Variants in ABCC4 observed in about 807,000 individuals in gnomAD.
ABCC4 encodes the protein ATP-binding cassette sub-family C member 4.
ABCC4 carries 102 observed loss-of-function variants against 168.5 expected under a neutral mutation model. That is an observed-to-expected ratio of 0.61 (90% confidence interval 0.52 to 0.71). The LOEUF (loss-of-function observed/expected upper bound fraction) is 0.71. ABCC4 is among the 30% of genes least tolerant of loss of function. The pLI, the probability that ABCC4 is intolerant of heterozygous loss-of-function variation, is 0.00. For synonymous variants in ABCC4, 617 were observed against 590.7 expected (o/e 1.04, Z -0.65); for missense variants, 1,402 against 1,605.8 (o/e 0.87, Z 2.17).
chr13:95,123,789 T>C (rs1412004588), intron 19 of ABCC4, among the ~76,000 whole-genome samples: 1 of 152,162 alleles, frequency 6.6e-6, no homozygotes, highest in African/African-American at 2.4e-5. Context: ...GCACGGACCA[T>C]GCCCAAGGCA....
In ABCC4 at chr13:95,074,339, G is replaced by A. The variant is rs773234065; in HGVS notation, c.2807-15C>T. The A allele has an allele frequency of 4.0e-5, 63 of 1,583,650 alleles. No individual in the cohort carries two copies. Among genetic ancestry groups the A allele is most frequent in the Non-Finnish European group, 5.2e-5 (60 of 1,156,184 alleles). On this transcript the variant is annotated splice_polypyrimidine_tract_variant and intron_variant, in intron 22 of 30. Transcript: ENST00000645237. ...GAACCAAGCCTCTGAATTTGAGAAC[G>A]GTAATAAGCATGATGAATAAGTAGA...
chr13:95,089,841 G>A (rs1007910611), intron 20 of ABCC4, among the ~76,000 whole-genome samples: 1 of 151,420 alleles, frequency 6.6e-6, no homozygotes, highest in Non-Finnish European at 1.5e-5. Flanking sequence ...TCATGCCACT[G>A]CACTCCAGCC....
At chr13:95,122,268 TCAGA>T (rs1473646524) in intron 19 of ABCC4, among the ~76,000 whole-genome samples, 6 of 152,236 alleles carry the variant, frequency 3.9e-5, no homozygotes, top group Non-Finnish European at 8.8e-5. Context: ...CAGGGCTTAC[TCAGA>T]CACTCAGTTA....
chr13:95,155,633 A>G (rs2036829981), intron 19 of ABCC4, among the ~76,000 whole-genome samples: 2 of 152,162 alleles, frequency 1.3e-5, no homozygotes, highest in Non-Finnish European at 2.9e-5. Context: ...ATAAATATAC[A>G]TACACACACA....
chr13:95,234,534 T>G, intron 4 of ABCC4, 76 bp downstream of exon 4: 1 of 1,245,700 alleles, frequency 8.0e-7, no homozygotes, highest in Non-Finnish European at 1.2e-6. Flanking sequence ...ATGCAGTATT[T>G]AATTTACATA....
At chr13:95,188,576 C>G (rs1483582532) in intron 9 of ABCC4, 34 bp from the exon 10 acceptor site, 1 of 1,530,578 alleles carries the variant, frequency 6.5e-7, no homozygotes, top group Non-Finnish European at 9.0e-7. Context: ...GTGCCCATTT[C>G]AATAAAGTCA....
At chr13:95,254,028 GA>G (rs1326233034) in intron 1 of ABCC4, among the ~76,000 whole-genome samples, 6 of 152,050 alleles carry the variant, frequency 3.9e-5, no homozygotes, top group Non-Finnish European at 7.4e-5. Context: ...AAGTAGCTGG[GA>G]TAACAAGGCA....
At chr13:95,194,340 T>C (rs2038349929) in intron 9 of ABCC4, among the ~76,000 whole-genome samples, 3 of 152,104 alleles carry the variant, frequency 2.0e-5, no homozygotes, top group Admixed American at 2.0e-4. Context: ...GCTGGCAACA[T>C]CCAGATGCTT....
chr13:95,124,667 G>A (rs1001118537), intron 19 of ABCC4, among the ~76,000 whole-genome samples: 7 of 130,350 alleles, frequency 5.4e-5, no homozygotes, highest in African/African-American at 8.6e-5. Context: ...CCAGGAATTC[G>A]AGACCCACCT....
At chr13:95,110,373 T>A (rs1177285850) in intron 20 of ABCC4, among the ~76,000 whole-genome samples, 1 of 151,884 alleles carries the variant, frequency 6.6e-6, no homozygotes, top group Non-Finnish European at 1.5e-5. Context: ...AAGTCACATA[T>A]TTGTAATAGA....
rs368454758 is a variant in ABCC4 at position 95,166,144 on chromosome 13, G to A, written c.2034+14C>T. 3.7e-6 allele frequency: 6 copies of A among 1,606,932 alleles called. No homozygotes were observed. The African/African-American group carries it at 8.0e-5, about 21-fold the overall frequency. On this transcript the variant is annotated intron_variant, in intron 15 of 30. Coordinates refer to ENST00000645237, the MANE Select transcript of ABCC4 (RefSeq NM_005845.5). The stretch of plus-strand genomic sequence containing the variant: ...AACAAAACCAGGCCATGTTGTAACA[G>A]GAGGTGAACTCACATCTTGGCTCTC...
intron 14 of ABCC4, among the ~76,000 whole-genome samples, chr13:95,169,643 C>T (rs562791098): frequency 2.1e-4 from 32 of 152,296 alleles, no homozygotes; most frequent in Admixed American, 4.6e-4. Flanking sequence ...AACCCCACCC[C>T]TCCATTTCCT....
chr13:95,250,578 G>A (rs1431336586), intron 1 of ABCC4, among the ~76,000 whole-genome samples: 1 of 152,030 alleles, frequency 6.6e-6, no homozygotes, highest in African/African-American at 2.4e-5. Context: ...GAAGCCATCA[G>A]CTTCAGCAAT....
intron 3 of ABCC4, among the ~76,000 whole-genome samples, chr13:95,239,545 A>G (rs1424306845): frequency 6.6e-6 from 1 of 152,226 alleles, no homozygotes; most frequent in Admixed American, 6.5e-5. Flanking sequence ...GTATACATTC[A>G]AAAGACTCAG....
intron 8 of ABCC4, among the ~76,000 whole-genome samples, chr13:95,201,616 A>G (rs1751027): frequency 0.12 from 18,922 of 152,140 alleles, 1,387 homozygotes; most frequent in African/African-American, 0.2. Context: ...TGGCTTCAAT[A>G]ATAAGGGGAA....
intron 4 of ABCC4, among the ~76,000 whole-genome samples, chr13:95,218,979 A>AAAAAAGAGAGAGTG (rs2039224658): frequency 2.7e-5 from 1 of 37,664 alleles, no homozygotes; most frequent in African/African-American, 1.3e-4. Context: ...GAAAGAAAGA[A>AAAAAAGAGAGAGTG]AGAAAGAGTG....
chr13:95,075,285 T>A, intron 22 of ABCC4, 147 bp downstream of exon 22: 2 of 987,466 alleles, frequency 2.0e-6, no homozygotes, highest in Non-Finnish European at 1.5e-6. Flanking sequence ...AAGAAGGGGA[T>A]GGGGAAGGAG....
At chr13:95,270,900 C>G (rs546492874) in intron 1 of ABCC4, among the ~76,000 whole-genome samples, 1 of 152,238 alleles carries the variant, frequency 6.6e-6, no homozygotes, top group East Asian at 1.9e-4. Flanking sequence ...TCGAGACTAT[C>G]CTGGTTAACA....
At chr13:95,131,953 A>G (rs1164412478) in intron 19 of ABCC4, among the ~76,000 whole-genome samples, 2 of 152,180 alleles carry the variant, frequency 1.3e-5, no homozygotes, top group African/African-American at 2.4e-5. Flanking sequence ...CTCTACATAT[A>G]TACACAACAG....
Sources: allele counts gnomAD v4.1 joint callset (sites outside exome capture counted in the v4.1 genomes callset), GRCh38; gene constraint gnomAD v4.1.1; transcripts MANE v1.5; gene names NCBI Gene and HGNC (gene_info 2026-07-23, HGNC 2026-07-21).